The following PPP6R3 variants were observed in gnomAD, a reference collection of about 807,000 sequenced individuals.
The protein encoded by PPP6R3 is serine/threonine-protein phosphatase 6 regulatory subunit 3.
PPP6R3 carries 38 observed loss-of-function variants against 110.7 expected under a neutral mutation model. The ratio of observed to expected loss-of-function variants is 0.34; its 90% confidence interval spans 0.26 to 0.45. PPP6R3 has a LOEUF of 0.45. Ranked by LOEUF, PPP6R3 falls within the 20% of genes least tolerant of loss-of-function variation. PPP6R3 has a pLI of 1.00. For synonymous variants in PPP6R3, 369 were observed against 373.5 expected (o/e 0.99, Z 0.14); for missense variants, 870 against 1,062.4 (o/e 0.82, Z 2.52).
intron 2 of PPP6R3, among the ~76,000 whole-genome samples, chr11:68,523,676 G>A (rs966713784): frequency 1.6e-4 from 23 of 145,062 alleles, no homozygotes; most frequent in African/African-American, 6.0e-4. Flanking sequence ...TGGGAGAATT[G>A]CTTTCTTCTA....
rs2098995422 is a variant in PPP6R3 at position 68,493,379 on chromosome 11, C to T, written c.-157-26122C>T. Among the ~76,000 whole-genome samples the T allele has an allele frequency of 5.3e-5, 8 of 152,042 alleles. No homozygotes were observed. In the South Asian group the frequency reaches 1.7e-3, roughly 32 times the overall value. On this transcript the variant is annotated intron_variant, in intron 1 of 23. Transcript: ENST00000393800. ...GTATAAATAATTTCTCCCTCTATTT[C>T]ATAAATTTTTAAAAATTGTCATGAG...
chr11:68,581,162 T>G (rs1407878798), intron 14 of PPP6R3, among the ~76,000 whole-genome samples: 1 of 152,188 alleles, frequency 6.6e-6, no homozygotes, highest in Non-Finnish European at 1.5e-5. Flanking sequence ...TTAATGTAAT[T>G]ATGAAGATGT....
chr11:68,550,260 G>C (rs1484684929), intron 5 of PPP6R3, among the ~76,000 whole-genome samples: 5 of 152,142 alleles, frequency 3.3e-5, no homozygotes, highest in African/African-American at 1.2e-4. Flanking sequence ...CCTTTGTTTG[G>C]TGTTTTCGTT....
chr11:68,607,190 G>T (rs1940600545), intron 22 of PPP6R3, among the ~76,000 whole-genome samples: 1 of 152,136 alleles, frequency 6.6e-6, no homozygotes, highest in African/African-American at 2.4e-5. Flanking sequence ...AAAAATGAAG[G>T]TTCCCAAATT....
intron 1 of PPP6R3, among the ~76,000 whole-genome samples, chr11:68,512,082 T>G (rs2099113727): frequency 6.6e-6 from 1 of 152,220 alleles, no homozygotes; most frequent in South Asian, 2.1e-4. Context: ...CTGTTGAGAC[T>G]GTGTGTCTTT....
chr11:68,563,670 G>A (rs1346387248), intron 8 of PPP6R3, among the ~76,000 whole-genome samples: 1 of 152,160 alleles, frequency 6.6e-6, no homozygotes, highest in Non-Finnish European at 1.5e-5. Flanking sequence ...ATTACTGTTG[G>A]GAATGGAAAG....
chr11:68,464,856 A>G (rs2098734564), intron 1 of PPP6R3, among the ~76,000 whole-genome samples: 1 of 150,868 alleles, frequency 6.6e-6, no homozygotes, highest in African/African-American at 2.4e-5. Context: ...GTCAGTGGTC[A>G]GGTCTGGTTT....
At chr11:68,599,859 C>A (rs1188439558) in intron 19 of PPP6R3, among the ~76,000 whole-genome samples, 1 of 151,820 alleles carries the variant, frequency 6.6e-6, no homozygotes, top group African/African-American at 2.4e-5. Context: ...CGCGGTGGCT[C>A]ACGCCTGTAA....
intron 18 of PPP6R3, among the ~76,000 whole-genome samples, chr11:68,594,347 T>TGAGAGAGAGAGTGA (rs2099606484): frequency 3.5e-5 from 3 of 84,702 alleles, no homozygotes; most frequent in African/African-American, 1.1e-4. Flanking sequence ...AGAGAGAGAG[T>TGAGAGAGAGAGTGA]GAGAGAGAGA....
At chr11:68,536,820 G>A (rs930222415) in intron 2 of PPP6R3, among the ~76,000 whole-genome samples, 1 of 152,156 alleles carries the variant, frequency 6.6e-6, no homozygotes, top group Non-Finnish European at 1.5e-5. Flanking sequence ...TAGACAGATA[G>A]GAAAGGTCTT....
At chr11:68,548,296 A>T in intron 5 of PPP6R3, 92 bp downstream of exon 5, 1 of 1,496,392 alleles carries the variant, frequency 6.7e-7, no homozygotes, top group Non-Finnish European at 9.0e-7. Flanking sequence ...AATGCATGGG[A>T]TTAGGGTTGG....
intron 18 of PPP6R3, among the ~76,000 whole-genome samples, chr11:68,593,313 T>C (rs1236364175): frequency 1.3e-5 from 2 of 152,218 alleles, no homozygotes. Flanking sequence ...TCAGCATAAT[T>C]AATGTGAGAG....
Position 68,551,130 on chromosome 11 carries a change from G to A in PPP6R3, c.562G>A (p.Glu188Lys), listed in dbSNP as rs2099371275. ...PRQDVLNWLN[E>K]EKIIQRLVEI... is the part of the protein sequence containing the mutation. ...ACAATGTGTTTTACAGTGGTTAAAT[G>A]AGGAGAAAATTATCCAGAGGCTTGT... Residue 188 changes from glutamate to lysine, a missense_variant, in exon 6 of 24, where the codon GAG becomes AAG. Physicochemically the swap from Glu to Lys is moderately conservative, Grantham distance 56 (BLOSUM62 1). Coordinates refer to ENST00000393800, the MANE Select transcript of PPP6R3 (RefSeq NM_001164161.2). The A allele has an allele frequency of 1.9e-6, 3 of 1,608,542 alleles. No homozygotes were observed. Among genetic ancestry groups the A allele is most frequent in the Non-Finnish European group, 2.6e-6 (3 of 1,175,584 alleles).
chr11:68,476,281 C>G (rs374871141), intron 1 of PPP6R3, among the ~76,000 whole-genome samples: 1 of 152,088 alleles, frequency 6.6e-6, no homozygotes, highest in Non-Finnish European at 1.5e-5. Context: ...GCCAACACAG[C>G]GAAACCCCGT....
At chr11:68,583,202 C>A in intron 15 of PPP6R3, 73 bp downstream of exon 15, 1 of 1,162,448 alleles carries the variant, frequency 8.6e-7, no homozygotes, top group Non-Finnish European at 1.2e-6. Flanking sequence ...TATGAATCAG[C>A]TTCAGAGTCA....
At chr11:68,483,330 T>A (rs921376711) in intron 1 of PPP6R3, among the ~76,000 whole-genome samples, 1 of 152,218 alleles carries the variant, frequency 6.6e-6, no homozygotes, top group Non-Finnish European at 1.5e-5. Context: ...TCACCATTTT[T>A]AAAAAAGTTC....
chr11:68,524,590 TTTTTG>T (rs1307362251), intron 2 of PPP6R3, among the ~76,000 whole-genome samples: 2 of 152,216 alleles, frequency 1.3e-5, no homozygotes, highest in African/African-American at 4.8e-5. Context: ...TCTTTGGACT[TTTTTG>T]TTTCTTTTCT....
At position 68,537,731 on chromosome 11, in the gene PPP6R3, A is replaced by T; in HGVS notation, c.67A>T (p.Thr23Ser). ...IDTLLEREDVTLKELMDEEDV... is the reference protein window; with the variant it reads ...IDTLLEREDVSLKELMDEEDV... ...CACACTTCTAGAAAGAGAAGATGTAACACTGAAGGAGTTAATGGATGAGGA... is the reference window on the plus strand; with the variant it reads ...CACACTTCTAGAAAGAGAAGATGTATCACTGAAGGAGTTAATGGATGAGGA... The change falls in exon 3 of 24, where the codon ACA becomes TCA. Residue 23 changes from threonine (T) to serine (S), a missense_variant. By Grantham distance (58) the Thr-to-Ser change is moderately conservative. Coordinates refer to ENST00000393800, the MANE Select transcript of PPP6R3 (RefSeq NM_001164161.2). The T allele has an allele frequency of 1.2e-6, 2 of 1,613,398 alleles. No individual in the cohort carries two copies. The highest frequency in any genetic ancestry group is 1.7e-6 in the Non-Finnish European group (2 of 1,179,314).
At chr11:68,594,299 GGA>G (rs748973539) in intron 18 of PPP6R3, among the ~76,000 whole-genome samples, 144 of 139,166 alleles carry the variant, frequency 1.0e-3, no homozygotes, top group African/African-American at 3.1e-3. Context: ...AGAGGAGAGA[GGA>G]GAGAGAGAGA....
Sources: allele counts gnomAD v4.1 joint callset (sites outside exome capture counted in the v4.1 genomes callset), GRCh38; gene constraint gnomAD v4.1.1; transcripts MANE v1.5; gene names NCBI Gene and HGNC (gene_info 2026-07-23, HGNC 2026-07-21).